The following CUX2 variants were observed in gnomAD, a reference collection of about 807,000 sequenced individuals.
CUX2 encodes the protein cut like homeobox 2.
CUX2 carries 40 observed loss-of-function variants against 144.8 expected under a neutral mutation model. The ratio of observed to expected loss-of-function variants is 0.28; its 90% confidence interval spans 0.21 to 0.36. The LOEUF is 0.36. Ranked by LOEUF, CUX2 falls within the 10% of genes least tolerant of loss-of-function variation. The probability of loss-of-function intolerance (pLI) is 1.00; values close to 1 mark genes in which losing one functional copy is unlikely to be tolerated. For synonymous variants in CUX2, 827 were observed against 875.6 expected, an observed-to-expected ratio of 0.94 and a Z score of 0.98; for missense variants, 1,615 against 1,994.0, an observed-to-expected ratio of 0.81 and a Z score of 3.62.
At chr12:111,048,609 T>G (rs1870113199) in intron 1 of CUX2, among the ~76,000 whole-genome samples, 1 of 152,084 alleles carries the variant, frequency 6.6e-6, no homozygotes, top group Non-Finnish European at 1.5e-5. Context: ...TGGGTTATGT[T>G]CTGAGAAGGG....
At chr12:111,045,977 AGT>A (rs1869976342) in intron 1 of CUX2, among the ~76,000 whole-genome samples, 1 of 152,180 alleles carries the variant, frequency 6.6e-6, no homozygotes, top group Admixed American at 6.5e-5. Context: ...TGCTCAGCTC[AGT>A]GGTGCCCAAA....
intron 9 of CUX2, among the ~76,000 whole-genome samples, chr12:111,299,951 T>C (rs1236506426): frequency 6.6e-6 from 1 of 152,174 alleles, no homozygotes; most frequent in East Asian, 1.9e-4. Flanking sequence ...CAATCATGGC[T>C]CACTGTAGCC....
At chr12:111,125,772 G>A (rs1398781062) in intron 1 of CUX2, among the ~76,000 whole-genome samples, 1 of 152,166 alleles carries the variant, frequency 6.6e-6, no homozygotes, top group Non-Finnish European at 1.5e-5. Context: ...GGAGACTGAG[G>A]CTAATTAGAG....
At chr12:111,096,013 C>T (rs941764364) in intron 1 of CUX2, among the ~76,000 whole-genome samples, 2 of 152,296 alleles carry the variant, frequency 1.3e-5, no homozygotes, top group Admixed American at 6.5e-5. Context: ...CGAGCCTCCT[C>T]GAGCAAGGGC....
At chr12:111,316,305 AT>A (rs575037793) in intron 16 of CUX2, among the ~76,000 whole-genome samples, 156 of 142,872 alleles carry the variant, frequency 1.1e-3, no homozygotes, top group Non-Finnish European at 1.2e-3. Context: ...CGCCCGGTTA[AT>A]TTTTTTTTTT....
chr12:111,166,884 G>A (rs1022919157), intron 1 of CUX2, among the ~76,000 whole-genome samples: 2 of 152,206 alleles, frequency 1.3e-5, no homozygotes, highest in African/African-American at 4.8e-5. Context: ...GGATGTCTCT[G>A]TTGGAAGGGA....
intron 1 of CUX2, among the ~76,000 whole-genome samples, chr12:111,123,331 C>T (rs1394851223): frequency 6.6e-6 from 1 of 152,106 alleles, no homozygotes; most frequent in East Asian, 1.9e-4. Context: ...TACAGGTGCA[C>T]ACCACCACGC....
At chr12:111,071,312 A>G (rs962301162) in intron 1 of CUX2, among the ~76,000 whole-genome samples, 1 of 152,174 alleles carries the variant, frequency 6.6e-6, no homozygotes, top group African/African-American at 2.4e-5. Context: ...GATTTTGGCC[A>G]TTCTGATAGG....
rs771497787 is a variant in CUX2 at position 111,296,447 on chromosome 12, C to T, written c.638-26C>T. 9 of 1,589,256 alleles carry T rather than the reference C, an allele frequency of 5.7e-6. No individual in the cohort carries two copies. The Admixed American group carries it at 1.6e-4, about 27-fold the overall frequency. ...GCTCCTTCCCACTCGGAGGTGGGGC[C>T]TCACCCTGCCTCTGCTTTCTCCCAG... On this transcript the variant is annotated intron_variant, in intron 7 of 21. Transcript: ENST00000261726.
At chr12:111,139,971 G>T (rs1256988110) in intron 1 of CUX2, among the ~76,000 whole-genome samples, 1 of 152,098 alleles carries the variant, frequency 6.6e-6, no homozygotes, top group East Asian at 1.9e-4. Context: ...CCCATCACCT[G>T]GTCTGTGAAA....
chr12:111,341,144 A>G (rs904270777), intron 20 of CUX2, among the ~76,000 whole-genome samples: 6 of 152,156 alleles, frequency 3.9e-5, no homozygotes, highest in African/African-American at 1.4e-4. Context: ...CTACAAAACG[A>G]TGAACCAGGC....
In CUX2 at chr12:111,064,885, C is replaced by T. The variant is rs540831351; in HGVS notation, c.63+30645C>T. Among the ~76,000 whole-genome samples the T allele has an allele frequency of 8.5e-5, 13 of 152,278 alleles. No individual in the cohort carries two copies. The East Asian group carries it at 1.3e-3, about 16-fold the overall frequency. ...TATATAAAGCACTGGGCCCAATGCC[C>T]GGCATACAGTACTCAGTAAATATCA... On this transcript the variant is annotated intron_variant, in intron 1 of 21. Transcript: ENST00000261726.
Position 111,320,928 on chromosome 12 carries a change from T to G in CUX2, c.2766+153T>G, listed in dbSNP as rs1017428216. ...TGGGTCCCGCAGGAAGGAGGGCCAC[T>G]GTTCTGCTCCGTGGTTGTTAAAACC... On this transcript the variant is annotated intron_variant, in intron 17 of 21. Transcript: ENST00000261726. The surrounding 1 kb of genome is among the most constrained non-coding windows in gnomAD (Gnocchi z 8.1). Among the ~76,000 whole-genome samples the G allele has an allele frequency of 1.1e-4, 16 of 152,230 alleles. No homozygotes were observed. The highest frequency in any genetic ancestry group is 3.9e-4 in the African/African-American group (16 of 41,470).
At chr12:111,172,625 G>T (rs1302904780) in intron 1 of CUX2, among the ~76,000 whole-genome samples, 1 of 152,232 alleles carries the variant, frequency 6.6e-6, no homozygotes, top group Non-Finnish European at 1.5e-5. Context: ...CCTGCAGCTG[G>T]GTGGAGGCTC....
chr12:111,180,670 C>T (rs1360242806), intron 1 of CUX2, among the ~76,000 whole-genome samples: 3 of 152,184 alleles, frequency 2.0e-5, no homozygotes, highest in South Asian at 2.1e-4. Context: ...GGGACTGAGG[C>T]CTCCAGTCCT....
intron 1 of CUX2, among the ~76,000 whole-genome samples, chr12:111,136,184 G>A (rs1255627197): frequency 6.6e-6 from 1 of 151,952 alleles, no homozygotes; most frequent in Non-Finnish European, 1.5e-5. Flanking sequence ...GGAACATCGC[G>A]TGTTCCTGCA....
intron 14 of CUX2, among the ~76,000 whole-genome samples, chr12:111,308,845 C>A (rs969715192): frequency 6.6e-6 from 1 of 152,124 alleles, no homozygotes; most frequent in African/African-American, 2.4e-5. Context: ...GTCATTACAC[C>A]CCCCACAGCC....
chr12:111,232,398 G>A (rs989225896), intron 3 of CUX2, among the ~76,000 whole-genome samples: 8 of 152,132 alleles, frequency 5.3e-5, no homozygotes, highest in African/African-American at 1.9e-4. Context: ...CAGCAACTCA[G>A]GAGGCTGAGG....
intron 18 of CUX2, among the ~76,000 whole-genome samples, chr12:111,324,011 C>T: frequency 6.6e-6 from 1 of 152,030 alleles, no homozygotes; most frequent in East Asian, 1.9e-4. Flanking sequence ...CAGTGCATCT[C>T]ACACTGCACT....
Sources: gnomAD v4.1 joint callset for allele counts (sites outside exome capture counted in the v4.1 genomes callset) on GRCh38, gnomAD v4.1.1 for gene constraint, Gnocchi (gnomAD v3.1) non-coding constraint, MANE v1.5 for transcripts, NCBI Gene and HGNC (gene_info 2026-07-23, HGNC 2026-07-21) for gene names.